SRSF4: variants seen among roughly 807,000 people sequenced by gnomAD.
SRSF4 encodes the protein serine and arginine rich splicing factor 4, also known as serine/arginine-rich splicing factor 4.
SRSF4 carries 12 observed loss-of-function variants against 48.8 expected under a neutral mutation model. The ratio of observed to expected loss-of-function variants is 0.25; its 90% CI spans 0.16 to 0.40. The LOEUF (loss-of-function observed/expected upper bound fraction) is 0.40, where lower values mean the gene tolerates loss of function less well. Ranked by LOEUF, SRSF4 falls within the 10% of genes least tolerant of loss-of-function variation. The pLI is 1.00. For synonymous variants in SRSF4, 248 were observed against 232.5 expected (o/e 1.07, Z -0.61); for missense variants, 466 against 667.1 (o/e 0.70, Z 3.32).
At chr1:29,156,353 C>CAAAA (rs34857487) in intron 3 of SRSF4, among the ~76,000 whole-genome samples, 2 of 144,164 alleles carry the variant, frequency 1.4e-5, no homozygotes, top group South Asian at 2.2e-4. Context: ...ACCTTCGTCT[C>CAAAA]AAAAAAAAAA....
chr1:29,160,332 C>A, intron 2 of SRSF4, 43 bp downstream of exon 2: 2 of 1,549,634 alleles, frequency 1.3e-6, no homozygotes, highest in South Asian at 2.4e-5. Context: ...AGCATGATAA[C>A]AAAAGCACGT....
Position 29,154,507 on chromosome 1 carries a change from ACTT to A in SRSF4, c.578+186_578+188del, listed in dbSNP as rs1574191078. ...AGGCCTCTGATTTCTAAGAGAAGGG[ACTT>A]CTATTTGTACTCATGACCTAAGAGT... On this transcript the variant is annotated intron_variant, in intron 4 of 5. Transcript: ENST00000373795. 22 of 613,954 alleles carry A rather than the reference ACTT, an allele frequency of 3.6e-5. No individual in the cohort carries two copies. In the East Asian group the frequency reaches 6.3e-4, roughly 18 times the overall value. The allele number at this position is 613,954 out of a possible 1,614,324, so 38.0% of individuals were successfully genotyped here.
intron 3 of SRSF4, among the ~76,000 whole-genome samples, 153 bp downstream of exon 3, chr1:29,159,221 T>C (rs957305983): frequency 6.6e-6 from 1 of 152,230 alleles, no homozygotes; most frequent in Non-Finnish European, 1.5e-5. Flanking sequence ...ATATATTTTG[T>C]ACTCATATGG....
At chr1:29,150,732 C>G (rs987293375) in intron 4 of SRSF4, among the ~76,000 whole-genome samples, 3 of 152,160 alleles carry the variant, frequency 2.0e-5, no homozygotes, top group Non-Finnish European at 2.9e-5. Flanking sequence ...TTTTGCTGGG[C>G]TCCTTATGTG....
intron 5 of SRSF4, among the ~76,000 whole-genome samples, chr1:29,149,833 A>G (rs1672378576): frequency 6.6e-6 from 1 of 152,080 alleles, no homozygotes; most frequent in Non-Finnish European, 1.5e-5. Flanking sequence ...GTTTAAGATT[A>G]GCCTGGGCAA....
chr1:29,149,203 T>C lies in SRSF4; in HGVS notation c.692A>G (p.Lys231Arg), dbSNP rs755936264. The C allele has an allele frequency of 1.9e-6, 3 of 1,609,158 alleles. No homozygotes were observed. Among genetic ancestry groups the C allele is most frequent in the Non-Finnish European group, 2.5e-6 (3 of 1,179,908 alleles). ...RSRSGSRSRS[K>R]SRSRSQSRSR... ...CCGACTCTGGCTCCGGCTCCGGCTC[T>C]TGCTCCGGGAGCGGGAGCCCGACCT... The change falls in exon 6 of 6, where the codon AAG becomes AGG. Residue 231 changes from lysine (K) to arginine (R), a missense_variant. Physicochemically the swap from Lys to Arg is conservative, Grantham distance 26. Coordinates refer to ENST00000373795, the MANE Select transcript of SRSF4 (RefSeq NM_005626.5).
At chr1:29,174,457 G>C (rs1026971379) in intron 1 of SRSF4, among the ~76,000 whole-genome samples, 2 of 152,080 alleles carry the variant, frequency 1.3e-5, no homozygotes, top group South Asian at 2.1e-4. Flanking sequence ...TTGCAACATG[G>C]TTCTGATTAT....
At position 29,169,269 on chromosome 1, in the gene SRSF4, A is replaced by C. The variant is rs1672713560; in HGVS notation, c.108-8752T>G. 3 of 152,194 alleles carry C rather than the reference A, an allele frequency of 2.0e-5. No homozygotes were observed. In the South Asian group the frequency reaches 6.2e-4, roughly 32 times the overall value. The allele number at this position is 152,194 out of a possible 1,614,324, so 9.4% of individuals were successfully genotyped here. Reference sequence around the variant, plus strand: ...ACCTGGGATTCTTCACACCCAGCTAACCTAAAACCTGCATTCTACCACCAC... The same window carrying C: ...ACCTGGGATTCTTCACACCCAGCTACCCTAAAACCTGCATTCTACCACCAC... On this transcript the variant is annotated intron_variant, in intron 1 of 5. Coordinates refer to ENST00000373795, the MANE Select transcript of SRSF4 (RefSeq NM_005626.5).
chr1:29,174,575 C>G (rs1672806505), intron 1 of SRSF4, among the ~76,000 whole-genome samples: 1 of 144,266 alleles, frequency 6.9e-6, no homozygotes, highest in Non-Finnish European at 1.5e-5. Flanking sequence ...TAGGGTGAAA[C>G]AAGCAAATTA....
Position 29,181,632 on chromosome 1 carries a change from T to G in SRSF4, c.107+14A>C, listed in dbSNP as rs1373346325. On this transcript the variant is annotated intron_variant, in intron 1 of 5. Transcript: ENST00000373795. ...CTGTCCCCGCCCGGCCGGACCCTCT[T>G]TCGCCCTCCTCACCCGTTCTTCAGA... is the stretch of plus-strand genomic sequence containing the variant. 6.3e-7 allele frequency: 1 copy of G among 1,575,872 alleles called. No homozygotes were observed. The highest frequency in any genetic ancestry group is 1.8e-5 in the Admixed American group (1 of 55,754).
chr1:29,181,348 C>T (rs543882424), intron 1 of SRSF4, among the ~76,000 whole-genome samples: 12 of 152,370 alleles, frequency 7.9e-5, no homozygotes, highest in African/African-American at 2.6e-4. Context: ...CCAGGTCTCC[C>T]GGGCGCCCTG....
At chr1:29,169,050 G>A (rs1397494933) in intron 1 of SRSF4, 1 of 152,154 alleles carries the variant, frequency 6.6e-6, no homozygotes, top group Non-Finnish European at 1.5e-5. Flanking sequence ...CAGCCCACTA[G>A]GACTCTTCTT....
At position 29,181,851 on chromosome 1, in the gene SRSF4, CG is replaced by C; in HGVS notation, c.-100del. The C allele has an allele frequency of 9.8e-7, 1 of 1,020,452 alleles. No individual in the cohort carries two copies. Among genetic ancestry groups the C allele is most frequent in the Non-Finnish European group, 1.3e-6 (1 of 768,102 alleles). 63.2% of individuals were successfully genotyped at this position (1,020,452 alleles called of 1,614,324 possible). A position where few individuals can be genotyped will look rare whatever the true frequency, so the allele number is the denominator to read the frequency against. On this transcript the variant is annotated 5_prime_UTR_variant, in exon 1 of 6. Transcript: ENST00000373795. ...CGGCAGCGGCGGCGGCGGCAACGGG[CG>C]GGCGGCGGGACGGACGCAGCCGAAC...
intron 3 of SRSF4, among the ~76,000 whole-genome samples, chr1:29,155,575 C>T (rs181360298): frequency 1.0e-3 from 154 of 152,300 alleles, no homozygotes; most frequent in African/African-American, 3.5e-3. Flanking sequence ...TCACTGCAAC[C>T]TCTGCCTCCC....
At chr1:29,159,595 A>C in intron 2 of SRSF4, 109 bp from the exon 3 acceptor site, 1 of 625,550 alleles carries the variant, frequency 1.6e-6, no homozygotes, top group Non-Finnish European at 2.7e-6. Flanking sequence ...CCCAAACAAT[A>C]GCACGTTTTA....
At chr1:29,169,496 A>C (rs1442665612) in intron 1 of SRSF4, 1 of 152,254 alleles carries the variant, frequency 6.6e-6, no homozygotes, top group Non-Finnish European at 1.5e-5. Context: ...GTGTGTGCTA[A>C]TACCAGTAAG....
At chr1:29,155,970 G>C (rs1283939462) in intron 3 of SRSF4, among the ~76,000 whole-genome samples, 1 of 152,160 alleles carries the variant, frequency 6.6e-6, no homozygotes, top group Non-Finnish European at 1.5e-5. Context: ...TGATTAGGAG[G>C]TTGCAGTGAG....
chr1:29,148,219 C>T lies in SRSF4; in HGVS notation c.*191G>A. ...GGATTTTCAAAGAGAAAATTTTTTTCAGTCGAGCAGGAAGGCCTGGTGCCA... is the reference window on the plus strand; with the variant it reads ...GGATTTTCAAAGAGAAAATTTTTTTTAGTCGAGCAGGAAGGCCTGGTGCCA... On this transcript the variant is annotated 3_prime_UTR_variant, in exon 6 of 6. Coordinates refer to ENST00000373795, the MANE Select transcript of SRSF4 (RefSeq NM_005626.5). 1.2e-6 allele frequency: 1 copy of T among 842,536 alleles called. No homozygotes were observed. Among genetic ancestry groups the T allele is most frequent in the Non-Finnish European group, 1.9e-6 (1 of 514,774 alleles). 52.2% of individuals were successfully genotyped at this position (842,536 alleles called of 1,614,324 possible).
chr1:29,148,689 G>A lies in SRSF4; in HGVS notation c.1206C>T (p.Ser402=). Residue 402 remains serine (S), a synonymous_variant, in exon 6 of 6, where the codon TCC becomes TCT. Transcript: ENST00000373795. ...CGGAGCGGGATGGAGATCTGGACTGGGAGCGGTCAGTGTCTTCCTTCTTCT... is the reference window on the plus strand; with the variant it reads ...CGGAGCGGGATGGAGATCTGGACTGAGAGCGGTCAGTGTCTTCCTTCTTCT... ...KKKKKEDTDR[S]QSRSPSRSVS... is the part of the protein sequence containing the mutation. 1.2e-6 allele frequency: 2 copies of A among 1,614,082 alleles called. No homozygotes were observed. The highest frequency in any genetic ancestry group is 3.3e-4 in the Middle Eastern group (2 of 6,062).
Sources: gnomAD v4.1 joint callset for allele counts (sites outside exome capture counted in the v4.1 genomes callset) on GRCh38, gnomAD v4.1.1 for gene constraint, MANE v1.5 for transcripts, NCBI Gene and HGNC (gene_info 2026-07-23, HGNC 2026-07-21) for gene names.